The following HGF variants were observed in gnomAD, a reference collection of about 807,000 sequenced individuals.
HGF encodes hepatocyte growth factor.
In HGF, 39 loss-of-function variants were observed where a neutral mutation model predicts 111.6. The ratio of observed to expected loss-of-function variants is 0.35; its 90% CI spans 0.27 to 0.46. HGF has a LOEUF of 0.46. HGF is among the 20% of genes least tolerant of loss of function. The pLI is 1.00. For synonymous variants in HGF, 285 were observed against 294.8 expected (o/e 0.97, Z 0.34); for missense variants, 735 against 910.5 (o/e 0.81, Z 2.48).
At chr7:81,736,512 A>G (rs10954658) in intron 7 of HGF, among the ~76,000 whole-genome samples, 68,739 of 151,914 alleles carry the variant, frequency 0.45, 16,250 homozygotes, top group Admixed American at 0.54. Flanking sequence ...TGCCTAATTT[A>G]TAAATTAAAC....
At chr7:81,751,496 TCCATA>T (rs532028995) in intron 5 of HGF, 2 of 984,660 alleles carry the variant, frequency 2.0e-6, no homozygotes, top group Middle Eastern at 5.2e-4. Context: ...GGACTTAAGG[TCCATA>T]GACATGCCTT....
At chr7:81,713,370 C>T (rs1181276750) in intron 11 of HGF, among the ~76,000 whole-genome samples, 2 of 151,772 alleles carry the variant, frequency 1.3e-5, no homozygotes, top group East Asian at 1.9e-4. Context: ...ACTAAAAATA[C>T]AAAAAATCAG....
intron 4 of HGF, chr7:81,755,833 TG>T: frequency 1.8e-6 from 1 of 547,732 alleles, no homozygotes; most frequent in Non-Finnish European, 3.2e-6. Flanking sequence ...TGAAAATTGT[TG>T]TTTTCTGTTA....
chr7:81,756,318 T>G (rs1162649536), intron 4 of HGF: 2 of 451,130 alleles, frequency 4.4e-6, no homozygotes, highest in Non-Finnish European at 7.8e-6. Flanking sequence ...CAAGGTACAG[T>G]GCTCAGCAAG....
intron 5 of HGF, chr7:81,751,833 T>G (rs947947733): frequency 1.9e-5 from 24 of 1,237,148 alleles, no homozygotes; most frequent in Non-Finnish European, 2.3e-5. Flanking sequence ...GTATGTGAGC[T>G]CAAGACAGTA....
At chr7:81,766,886 A>G (rs1166036117) in intron 1 of HGF, among the ~76,000 whole-genome samples, 1 of 152,188 alleles carries the variant, frequency 6.6e-6, no homozygotes, top group Non-Finnish European at 1.5e-5. Flanking sequence ...TAAAGACCAC[A>G]TGGTTGAGCA....
At chr7:81,747,881 C>T (rs1273591852) in intron 5 of HGF, among the ~76,000 whole-genome samples, 1 of 151,754 alleles carries the variant, frequency 6.6e-6, no homozygotes, top group African/African-American at 2.4e-5. Context: ...TGCACTGAGC[C>T]GAGATGGTGC....
At chr7:81,736,925 G>A (rs975710253) in intron 7 of HGF, among the ~76,000 whole-genome samples, 1 of 151,502 alleles carries the variant, frequency 6.6e-6, no homozygotes, top group Admixed American at 6.6e-5. Flanking sequence ...GTGTGTGTGT[G>A]TGTGGTGTTC....
chr7:81,750,818 GT>G (rs11378661), intron 5 of HGF: 200 of 301,250 alleles, frequency 6.6e-4, no homozygotes, highest in Middle Eastern at 5.2e-3. Flanking sequence ...TAAAAGTAGG[GT>G]TTTTTTTCTT....
At chr7:81,729,821 T>A (rs751389294) in intron 7 of HGF, 42 bp from the exon 8 acceptor site, 2 of 1,587,946 alleles carry the variant, frequency 1.3e-6, no homozygotes, top group African/African-American at 2.7e-5. Flanking sequence ...TTATATAAAA[T>A]CTTTGAAGAT....
Position 81,762,733 on chromosome 7 carries a change from C to T in HGF, c.228G>A (p.Arg76=). 1 of 1,612,850 alleles carries T rather than the reference C, an allele frequency of 6.2e-7. No individual in the cohort carries two copies. Among genetic ancestry groups the T allele is most frequent in the Non-Finnish European group, 8.5e-7 (1 of 1,179,052 alleles). Residue 76 remains arginine, a synonymous_variant, in exon 2 of 18, where the codon AGG becomes AGA. Transcript: ENST00000222390. ...TADQCANRCT[R]NKGLPFTCKA... The stretch of plus-strand genomic sequence containing the variant: ...TGCAAGTGAATGGAAGTCCTTTATT[C>T]CTAGTACATCTATTAGCACATTGGT...
chr7:81,699,105 C>T lies in HGF; in HGVS notation c.*3476G>A, dbSNP rs929044705. Reference sequence around the variant, plus strand: ...AGAAAGTTTATAATACAAGTCATAACCACAGTGTTCCCTTTTTTGGGTAAG... The same window carrying T: ...AGAAAGTTTATAATACAAGTCATAATCACAGTGTTCCCTTTTTTGGGTAAG... On this transcript the variant is annotated 3_prime_UTR_variant, in exon 18 of 18. Coordinates refer to ENST00000222390, the MANE Select transcript of HGF (RefSeq NM_000601.6). 29 of 151,238 alleles carry T rather than the reference C, an allele frequency of 1.9e-4. No individual in the cohort carries two copies. Among genetic ancestry groups the T allele is most frequent in the African/African-American group, 6.0e-4 (25 of 41,328 alleles). 9.4% of individuals were successfully genotyped at this position (151,238 alleles called of 1,614,324 possible).
chr7:81,727,176 G>T (rs1790037925), intron 8 of HGF, among the ~76,000 whole-genome samples: 1 of 150,292 alleles, frequency 6.7e-6, no homozygotes, highest in African/African-American at 2.4e-5. Flanking sequence ...GAGTAGCTGG[G>T]ATTACAGGTG....
At chr7:81,769,628 CT>C (rs1464211847) in intron 1 of HGF, among the ~76,000 whole-genome samples, 1 of 152,088 alleles carries the variant, frequency 6.6e-6, no homozygotes, top group Non-Finnish European at 1.5e-5. Context: ...AACTATTAGG[CT>C]AAGTGGGACG....
chr7:81,749,335 T>C (rs1788398317), intron 5 of HGF, among the ~76,000 whole-genome samples: 1 of 152,138 alleles, frequency 6.6e-6, no homozygotes, highest in Non-Finnish European at 1.5e-5. Context: ...ATGATTGTTT[T>C]ATTTTAAATT....
At chr7:81,710,836 C>T (rs571073029) in intron 12 of HGF, among the ~76,000 whole-genome samples, 4 of 152,252 alleles carry the variant, frequency 2.6e-5, no homozygotes, top group African/African-American at 7.2e-5. Context: ...CTGTGCTCCT[C>T]GCCTTATCCC....
chr7:81,753,431 G>A (rs1256947171), intron 4 of HGF, among the ~76,000 whole-genome samples: 1 of 151,902 alleles, frequency 6.6e-6, no homozygotes, highest in Non-Finnish European at 1.5e-5. Context: ...AGTTCTAAAT[G>A]GCACTAAAAT....
intron 9 of HGF, among the ~76,000 whole-genome samples, chr7:81,722,932 C>T (rs1280791956): frequency 6.7e-6 from 1 of 149,064 alleles, no homozygotes; most frequent in Admixed American, 6.7e-5. Flanking sequence ...TAATACCGAA[C>T]GTTTTTAAAG....
At chr7:81,709,426 T>A (rs1347087889) in intron 13 of HGF, among the ~76,000 whole-genome samples, 3 of 152,172 alleles carry the variant, frequency 2.0e-5, no homozygotes, top group Non-Finnish European at 4.4e-5. Context: ...CAGAATAATA[T>A]ATGTAGTATA....
Sources: allele counts gnomAD v4.1 joint callset (sites outside exome capture counted in the v4.1 genomes callset), GRCh38; gene constraint gnomAD v4.1.1; transcripts MANE v1.5; gene names NCBI Gene and HGNC (gene_info 2026-07-23, HGNC 2026-07-21).